Variants in ADCY5 observed in about 807,000 individuals in gnomAD.
ADCY5 encodes the protein adenylate cyclase 5.
Under a neutral mutation model 119.7 loss-of-function variants are expected in ADCY5, and 30 were observed. The observed-to-expected ratio is 0.25, with a 90% confidence interval of 0.19 to 0.34. The LOEUF is 0.34. Ranked by LOEUF, ADCY5 falls within the 10% of genes least tolerant of loss-of-function variation. The probability of loss-of-function intolerance (pLI) is 1.00; values close to 1 mark genes in which losing one functional copy is unlikely to be tolerated. For missense variants in ADCY5, 1,324 were observed against 1,775.2 expected (o/e 0.75, Z 4.57); for synonymous variants, 753 against 762.2 (o/e 0.99, Z 0.20).
At chr3:123,397,822 A>G (rs891563022) in intron 1 of ADCY5, among the ~76,000 whole-genome samples, 2 of 152,324 alleles carry the variant, frequency 1.3e-5, no homozygotes, top group African/African-American at 4.8e-5. Flanking sequence ...GGGCTTTTGT[A>G]ACTCTATCCC....
chr3:123,374,175 T>C (rs1485701938), intron 1 of ADCY5, among the ~76,000 whole-genome samples: 1 of 151,110 alleles, frequency 6.6e-6, no homozygotes, highest in Non-Finnish European at 1.5e-5. Context: ...CTGAGTAGGG[T>C]TGGGGTGTGG....
rs1042268768 is a variant in ADCY5, at chr3:123,286,466, G to A, written c.3657+219C>T. On this transcript the variant is annotated intron_variant, in intron 20 of 20. Transcript: ENST00000462833. The surrounding 1 kb of genome is among the most constrained non-coding windows in gnomAD (Gnocchi z 4.2). ...CAGTCCCTTCCATGCCCAGTAGAGG[G>A]CTCTGCAGAAGCCTGAAGATCTGTC... 6.6e-6 allele frequency among the ~76,000 whole-genome samples: 1 copy of A among 152,226 alleles called. No homozygotes were observed. Among genetic ancestry groups the A allele is most frequent in the Admixed American group, 6.5e-5 (1 of 15,290 alleles).
chr3:123,298,830 C>CTTTTTTT (rs35856404), intron 15 of ADCY5, among the ~76,000 whole-genome samples: 4,624 of 102,422 alleles, frequency 0.045, 648 homozygotes, highest in African/African-American at 0.13. Flanking sequence ...AAAACTGTCA[C>CTTTTTTT]TTTTTTTTTT....
intron 1 of ADCY5, among the ~76,000 whole-genome samples, chr3:123,372,602 C>T (rs1372320208): frequency 6.6e-6 from 1 of 152,152 alleles, no homozygotes; most frequent in Admixed American, 6.5e-5. Flanking sequence ...AGCAAGAGTA[C>T]CTCAAGAGAA....
At position 123,327,687 on chromosome 3, in the gene ADCY5, GC is replaced by G; in HGVS notation, c.1877del (p.Gly626AlafsTer30). ...GCTCCTTGAGGTAGGCGTTGCGCTC[GC>G]CCCCACAGCCTGGCTCCACCTCGTA... ...GDYEVEPGCG[G>X]ERNAYLKEHS... On this transcript the variant is annotated frameshift_variant, in exon 7 of 21. Coordinates refer to ENST00000462833, the MANE Select transcript of ADCY5 (RefSeq NM_183357.3). LOFTEE classifies it high-confidence loss of function. 6.2e-7 allele frequency: 1 copy of G among 1,614,038 alleles called. No individual in the cohort carries two copies. The highest frequency in any genetic ancestry group is 8.5e-7 in the Non-Finnish European group (1 of 1,179,982).
At chr3:123,367,182 C>G (rs553813566) in intron 1 of ADCY5, among the ~76,000 whole-genome samples, 1 of 152,184 alleles carries the variant, frequency 6.6e-6, no homozygotes, top group African/African-American at 2.4e-5. Context: ...TGCCAGGCAC[C>G]GGCCCCCACC....
intron 1 of ADCY5, among the ~76,000 whole-genome samples, chr3:123,442,438 C>G (rs1038275463): frequency 6.6e-6 from 1 of 152,240 alleles, no homozygotes; most frequent in Non-Finnish European, 1.5e-5. Context: ...TCCAGCCACA[C>G]CCTCGGACAG....
At chr3:123,434,301 G>A (rs1200379632) in intron 1 of ADCY5, among the ~76,000 whole-genome samples, 1 of 152,240 alleles carries the variant, frequency 6.6e-6, no homozygotes, top group African/African-American at 2.4e-5. Flanking sequence ...TCACAGGTCT[G>A]TAACCCGCCT....
At position 123,318,011 on chromosome 3, in the gene ADCY5, G is replaced by T. The variant is rs369260049; in HGVS notation, c.2354+9C>A. ...GAGGAAGGAGCCCAAGAGGGACGGG[G>T]ATACTCACTGGGGCACGATGGTGAT... On this transcript the variant is annotated intron_variant, in intron 11 of 20. Coordinates refer to ENST00000462833, the MANE Select transcript of ADCY5 (RefSeq NM_183357.3). 1.2e-6 allele frequency: 2 copies of T among 1,611,100 alleles called. No individual in the cohort carries two copies. Among genetic ancestry groups the T allele is most frequent in the South Asian group, 1.1e-5 (1 of 91,020 alleles).
At chr3:123,317,810 C>T (rs1450594187) in intron 11 of ADCY5, among the ~76,000 whole-genome samples, 1 of 151,900 alleles carries the variant, frequency 6.6e-6, no homozygotes, top group Admixed American at 6.6e-5. Context: ...TGAGAGTTGC[C>T]CACCCTGGAA....
chr3:123,369,690 C>T (rs1943566567), intron 1 of ADCY5, among the ~76,000 whole-genome samples: 1 of 152,224 alleles, frequency 6.6e-6, no homozygotes, highest in South Asian at 2.1e-4. Context: ...CAGCAAGAGG[C>T]CTGGATTGCT....
rs1233466114 is a variant in ADCY5 at position 123,352,716 on chromosome 3, G to A, written c.1135-135C>T. 22 of 1,026,596 alleles carry A rather than the reference G, an allele frequency of 2.1e-5. No homozygotes were observed. Among genetic ancestry groups the A allele is most frequent in the Non-Finnish European group, 3.0e-5 (22 of 726,494 alleles). The allele number at this position is 1,026,596 out of a possible 1,614,324, so 63.6% of individuals were successfully genotyped here. A position where few individuals can be genotyped will look rare whatever the true frequency, so the allele number is the denominator to read the frequency against. On this transcript the variant is annotated intron_variant, in intron 1 of 20. Transcript: ENST00000462833. The surrounding 1 kb of genome is among the most constrained non-coding windows in gnomAD (Gnocchi z 4.8). ...AAATGCTGAGGGCACCCCACACGCG[G>A]CCAACCACTGTGAGCAGCCGAGCAT...
chr3:123,420,458 C>A (rs1403066204), intron 1 of ADCY5, among the ~76,000 whole-genome samples: 3 of 152,206 alleles, frequency 2.0e-5, no homozygotes, highest in Non-Finnish European at 4.4e-5. Flanking sequence ...GTAGGAAGTG[C>A]GCTAAGAAAG....
rs770639398 is a variant in ADCY5 at position 123,297,355 on chromosome 3, C to G, written c.2928G>C (p.Gln976His). The G allele has an allele frequency of 1.9e-6, 3 of 1,614,040 alleles. No individual in the cohort carries two copies. Among genetic ancestry groups the G allele is most frequent in the South Asian group, 2.2e-5 (2 of 91,088 alleles). ...AIDFFNNGTS[Q>H]CPEHATKVAL... ...CTATCCGAGGAGCATCAACTCACCA[C>G]TGGGAGGTCCCGTTGTTGAAGAAGT... The change falls in exon 16 of 21, where the codon CAG becomes CAC. Residue 976 changes from glutamine to histidine, a missense_variant and splice_region_variant. Physicochemically the swap from Gln to His is conservative, Grantham distance 24. Around this residue, in one of 6 missense-constraint regions of ADCY5, gnomAD observed 424 missense variants for 546.8 expected, o/e 0.78. Transcript: ENST00000462833.
chr3:123,379,829 G>C (rs961315353), intron 1 of ADCY5, among the ~76,000 whole-genome samples: 1 of 152,182 alleles, frequency 6.6e-6, no homozygotes. Flanking sequence ...AAGGCTTCTG[G>C]AATGGCATTT....
At chr3:123,400,224 T>C (rs989791906) in intron 1 of ADCY5, among the ~76,000 whole-genome samples, 2 of 152,200 alleles carry the variant, frequency 1.3e-5, no homozygotes, top group Non-Finnish European at 2.9e-5. Flanking sequence ...CTGCATGCCC[T>C]TGGATCACTG....
intron 18 of ADCY5, 127 bp downstream of exon 18, chr3:123,290,986 A>T: frequency 7.9e-7 from 1 of 1,272,808 alleles, no homozygotes; most frequent in Non-Finnish European, 1.1e-6. Flanking sequence ...CCGCCGGCAG[A>T]GCTCCCATCA....
intron 1 of ADCY5, among the ~76,000 whole-genome samples, chr3:123,437,672 T>A (rs1470080686): frequency 6.6e-6 from 1 of 152,214 alleles, no homozygotes; most frequent in Admixed American, 6.5e-5. Flanking sequence ...ATATACTTTA[T>A]GAGCTTCCTC....
At chr3:123,385,890 AC>A (rs1944204743) in intron 1 of ADCY5, among the ~76,000 whole-genome samples, 1 of 152,186 alleles carries the variant, frequency 6.6e-6, no homozygotes, top group Non-Finnish European at 1.5e-5. Context: ...CATCGTCACC[AC>A]CATCACCCTG....
Sources: allele counts gnomAD v4.1 joint callset (sites outside exome capture counted in the v4.1 genomes callset), GRCh38; gene constraint gnomAD v4.1.1; regional missense constraint gnomAD v4.1.1; non-coding constraint Gnocchi (gnomAD v3.1); transcripts MANE v1.5; gene names NCBI Gene and HGNC (gene_info 2026-07-23, HGNC 2026-07-21).